Variants in MRAP2 observed in about 807,000 individuals in gnomAD.
The protein encoded by MRAP2 is melanocortin-2 receptor accessory protein 2.
Under a neutral mutation model 17.4 loss-of-function variants are expected in MRAP2, and 20 were observed. The ratio of observed to expected loss-of-function variants is 1.15; its 90% CI spans 0.81 to 1.67. The LOEUF is 1.67. Ranked by LOEUF, MRAP2 falls within the 40% of genes most tolerant of loss-of-function variation. MRAP2 has a pLI of 0.00. For missense variants in MRAP2, 238 were observed against 240.0 expected (o/e 0.99, Z 0.05); for synonymous variants, 96 against 88.4 (o/e 1.09, Z -0.48).
intron 3 of MRAP2, among the ~76,000 whole-genome samples, chr6:84,082,458 C>T (rs949050644): frequency 3.9e-5 from 6 of 152,154 alleles, no homozygotes; most frequent in Admixed American, 3.9e-4. Context: ...TTAGTTTTGT[C>T]CCATTCTTCC....
chr6:84,057,096 T>C (rs1250070328), intron 2 of MRAP2, among the ~76,000 whole-genome samples: 1 of 152,174 alleles, frequency 6.6e-6, no homozygotes, highest in African/African-American at 2.4e-5. Flanking sequence ...GCCCTTAGCT[T>C]CAGGAACCTG....
At chr6:84,107,600 T>C in the MRAP2 span, among the ~76,000 whole-genome samples, 1 of 152,182 alleles carries the variant, frequency 6.6e-6, no homozygotes, top group African/African-American at 2.4e-5. Context: ...TGCTGGAGGG[T>C]TGATATAATC....
chr6:84,053,283 T>C (rs1345487604), intron 1 of MRAP2, among the ~76,000 whole-genome samples: 1 of 152,234 alleles, frequency 6.6e-6, no homozygotes, highest in African/African-American at 2.4e-5. Flanking sequence ...AGCTGTAATG[T>C]TGATTTCTAC....
chr6:84,037,602 G>A (rs1384390377), intron 1 of MRAP2, among the ~76,000 whole-genome samples: 1 of 152,354 alleles, frequency 6.6e-6, no homozygotes, highest in East Asian at 1.9e-4. Context: ...TGGCATGGCG[G>A]GCTGCAGGTC....
At chr6:84,069,886 T>C (rs2099495760) in intron 3 of MRAP2, among the ~76,000 whole-genome samples, 1 of 152,142 alleles carries the variant, frequency 6.6e-6, no homozygotes, top group Non-Finnish European at 1.5e-5. Flanking sequence ...GCGTAAAGGT[T>C]CATAGTAGCT....
At chr6:84,114,767 G>A in the MRAP2 span, among the ~76,000 whole-genome samples, 8 of 152,132 alleles carry the variant, frequency 5.3e-5, no homozygotes, top group South Asian at 2.1e-4. Flanking sequence ...CTGCATGGAC[G>A]TCCTTTCTGT....
the MRAP2 span, among the ~76,000 whole-genome samples, chr6:84,121,360 G>C: frequency 2.0e-5 from 3 of 152,166 alleles, no homozygotes. Context: ...CTGCACAAGC[G>C]TGGCCAGGCA....
chr6:84,089,990 C>T lies in MRAP2; in HGVS notation c.*509C>T, dbSNP rs1418386596. 6.4e-6 allele frequency: 1 copy of T among 156,838 alleles called. No individual in the cohort carries two copies. The highest frequency in any genetic ancestry group is 2.4e-5 in the African/African-American group (1 of 41,440). 9.7% of individuals were successfully genotyped at this position (156,838 alleles called of 1,614,324 possible). A position where few individuals can be genotyped will look rare whatever the true frequency, so the allele number is the denominator to read the frequency against. On this transcript the variant is annotated 3_prime_UTR_variant, in exon 4 of 4. Transcript: ENST00000257776. ...AAAAATTTGGCCAAATACCTATTGT[C>T]AGCATTCTTGGGTGAGGATTAGCCT...
the MRAP2 span, among the ~76,000 whole-genome samples, chr6:84,111,633 A>G: frequency 6.6e-6 from 1 of 152,186 alleles, no homozygotes; most frequent in Non-Finnish European, 1.5e-5. Flanking sequence ...CAAACTTCCA[A>G]TACTGTGTTG....
the MRAP2 span, among the ~76,000 whole-genome samples, chr6:84,136,188 C>T: frequency 6.6e-6 from 1 of 152,172 alleles, no homozygotes; most frequent in African/African-American, 2.4e-5. Flanking sequence ...AACAACTGAT[C>T]AGTTATAGCT....
the MRAP2 span, among the ~76,000 whole-genome samples, chr6:84,101,644 G>A: frequency 2.0e-5 from 3 of 152,144 alleles, no homozygotes; most frequent in Non-Finnish European, 4.4e-5. Flanking sequence ...CTTTACTAAA[G>A]CATCATATGT....
chr6:84,121,546 A>C, the MRAP2 span, among the ~76,000 whole-genome samples: 9 of 152,194 alleles, frequency 5.9e-5, no homozygotes, highest in African/African-American at 1.7e-4. Flanking sequence ...TTGGAGGCTG[A>C]GACAGGAGAA....
At chr6:84,123,565 C>T in the MRAP2 span, among the ~76,000 whole-genome samples, 2 of 152,078 alleles carry the variant, frequency 1.3e-5, no homozygotes, top group Admixed American at 1.3e-4. Context: ...TCATCATATA[C>T]AAAAATTAAT....
the MRAP2 span, among the ~76,000 whole-genome samples, chr6:84,123,548 T>A: frequency 6.6e-6 from 1 of 151,976 alleles, no homozygotes; most frequent in Non-Finnish European, 1.5e-5. Context: ...AACTAGACCC[T>A]TACCTCTCAT....
At chr6:84,064,573 C>T (rs548853019) in intron 3 of MRAP2, among the ~76,000 whole-genome samples, 45 of 152,158 alleles carry the variant, frequency 3.0e-4, no homozygotes, top group Non-Finnish European at 4.4e-4. Context: ...CTGCAAGCTC[C>T]GCCTCCCGGG....
intron 1 of MRAP2, among the ~76,000 whole-genome samples, chr6:84,039,678 A>G (rs1318878546): frequency 6.6e-6 from 1 of 152,216 alleles, no homozygotes; most frequent in Non-Finnish European, 1.5e-5. Context: ...TTCAAGTGAA[A>G]ATAGTTTGTA....
At chr6:84,119,248 T>A in the MRAP2 span, among the ~76,000 whole-genome samples, 1 of 152,216 alleles carries the variant, frequency 6.6e-6, no homozygotes, top group African/African-American at 2.4e-5. Context: ...GGAATTTCAT[T>A]GAATCTACAG....
At chr6:84,101,227 C>A in the MRAP2 span, among the ~76,000 whole-genome samples, 1 of 152,100 alleles carries the variant, frequency 6.6e-6, no homozygotes, top group African/African-American at 2.4e-5. Flanking sequence ...TATACACTGG[C>A]CCTTTATCTT....
the MRAP2 span, among the ~76,000 whole-genome samples, chr6:84,118,477 G>A: frequency 2.0e-5 from 3 of 152,154 alleles, no homozygotes; most frequent in African/African-American, 4.8e-5. Flanking sequence ...GGGAGGTCCC[G>A]CCCCATGAAG....
Sources: gnomAD v4.1 joint callset for allele counts (sites outside exome capture counted in the v4.1 genomes callset) on GRCh38, gnomAD v4.1.1 for gene constraint, MANE v1.5 for transcripts, NCBI Gene and HGNC (gene_info 2026-07-23, HGNC 2026-07-21) for gene names.